FAM163A: variants seen among roughly 807,000 people sequenced by gnomAD.
The protein encoded by FAM163A is family with sequence similarity 163 member A.
In FAM163A, 7 loss-of-function variants were observed where a neutral mutation model predicts 12.0. The observed-to-expected ratio is 0.58, with a 90% confidence interval of 0.33 to 1.10. The LOEUF is 1.10. FAM163A is among the 50% of genes least tolerant of loss of function. The probability of loss-of-function intolerance (pLI) is 0.03; values close to 1 mark genes in which losing one functional copy is unlikely to be tolerated. For missense variants in FAM163A, 202 were observed against 218.6 expected (o/e 0.92, Z 0.48); for synonymous variants, 101 against 91.0 (o/e 1.11, Z -0.62).
intron 1 of FAM163A, among the ~76,000 whole-genome samples, chr1:179,760,059 A>T (rs1359345913): frequency 6.6e-6 from 1 of 152,172 alleles, no homozygotes; most frequent in Non-Finnish European, 1.5e-5. Flanking sequence ...GTGCAGATTC[A>T]TGTTTTATAA....
At chr1:179,774,850 A>C (rs1276828974) in intron 1 of FAM163A, among the ~76,000 whole-genome samples, 1 of 152,134 alleles carries the variant, frequency 6.6e-6, no homozygotes, top group Admixed American at 6.5e-5. Flanking sequence ...AAGGCTAGGG[A>C]GAGTTTCCCT....
At chr1:179,772,774 G>C (rs945426241) in intron 1 of FAM163A, among the ~76,000 whole-genome samples, 2 of 151,866 alleles carry the variant, frequency 1.3e-5, no homozygotes, top group South Asian at 4.2e-4. Flanking sequence ...GTGTCATTAG[G>C]AACCCAGGGC....
the FAM163A span, among the ~76,000 whole-genome samples, chr1:179,732,820 G>A: frequency 4.3e-5 from 6 of 138,774 alleles, no homozygotes; most frequent in African/African-American, 8.1e-5. Flanking sequence ...GGTGGAGGTT[G>A]CAGTGAGCTG....
chr1:179,773,564 C>G (rs1360069768), intron 1 of FAM163A, among the ~76,000 whole-genome samples: 1 of 152,096 alleles, frequency 6.6e-6, no homozygotes, highest in Non-Finnish European at 1.5e-5. Context: ...ATTGAAGAAG[C>G]AAAAATAATG....
intron 1 of FAM163A, among the ~76,000 whole-genome samples, chr1:179,764,718 A>G (rs980506414): frequency 1.3e-5 from 2 of 152,108 alleles, no homozygotes; most frequent in African/African-American, 4.8e-5. Context: ...GTGGTCTCAC[A>G]TGTTCGTTAA....
At chr1:179,768,825 C>T (rs1365801132) in intron 1 of FAM163A, among the ~76,000 whole-genome samples, 1 of 152,022 alleles carries the variant, frequency 6.6e-6, no homozygotes, top group Non-Finnish European at 1.5e-5. Context: ...AGGATGGTCT[C>T]GATCTCCTGA....
chr1:179,731,538 A>G, the FAM163A span, among the ~76,000 whole-genome samples: 1 of 152,232 alleles, frequency 6.6e-6, no homozygotes, highest in Non-Finnish European at 1.5e-5. Flanking sequence ...ATGAATCAAC[A>G]AGTAAATTTA....
chr1:179,806,463 T>C (rs1384721784), intron 1 of FAM163A, among the ~76,000 whole-genome samples: 1 of 152,094 alleles, frequency 6.6e-6, no homozygotes, highest in East Asian at 1.9e-4. Context: ...TGTCACGCAG[T>C]CACTCTGCCT....
chr1:179,788,019 A>G (rs1476151864), intron 1 of FAM163A, among the ~76,000 whole-genome samples: 1 of 152,216 alleles, frequency 6.6e-6, no homozygotes, highest in Non-Finnish European at 1.5e-5. Flanking sequence ...CAACAAGTTA[A>G]TATATGGGCT....
At chr1:179,808,531 A>T (rs1694267387) in intron 2 of FAM163A, among the ~76,000 whole-genome samples, 1 of 152,246 alleles carries the variant, frequency 6.6e-6, no homozygotes, top group Admixed American at 6.5e-5. Flanking sequence ...CCCAGCCAGG[A>T]ATTGGCCAGA....
chr1:179,761,728 A>T (rs1686838572), intron 1 of FAM163A, among the ~76,000 whole-genome samples: 1 of 152,172 alleles, frequency 6.6e-6, no homozygotes, highest in Admixed American at 6.5e-5. Context: ...TGTGGGAGAG[A>T]ATGTTGACTG....
At chr1:179,751,201 T>A (rs1165837714) in intron 1 of FAM163A, among the ~76,000 whole-genome samples, 1 of 151,824 alleles carries the variant, frequency 6.6e-6, no homozygotes, top group South Asian at 2.1e-4. Flanking sequence ...CTAGGGGTAA[T>A]TGAAACCATG....
chr1:179,808,178 G>A (rs1010825258), intron 2 of FAM163A, among the ~76,000 whole-genome samples: 4 of 151,918 alleles, frequency 2.6e-5, no homozygotes, highest in Non-Finnish European at 4.4e-5. Flanking sequence ...GCACTGGCCC[G>A]TGGGCCCTGA....
At chr1:179,766,897 A>T (rs1235776048) in intron 1 of FAM163A, among the ~76,000 whole-genome samples, 1 of 152,124 alleles carries the variant, frequency 6.6e-6, no homozygotes. Flanking sequence ...CTGGGATTAC[A>T]GGCACATGCC....
At chr1:179,805,936 C>G (rs772283638) in intron 1 of FAM163A, among the ~76,000 whole-genome samples, 6 of 152,226 alleles carry the variant, frequency 3.9e-5, no homozygotes, top group Non-Finnish European at 8.8e-5. Flanking sequence ...ACCCCTTGCT[C>G]AGCCTCTGGG....
intron 1 of FAM163A, among the ~76,000 whole-genome samples, chr1:179,770,781 TTCCTTC>T (rs1455945855): frequency 6.7e-6 from 1 of 149,316 alleles, no homozygotes; most frequent in Non-Finnish European, 1.5e-5. Context: ...CAGGTTGGTG[TTCCTTC>T]TCTGTGCTCA....
the FAM163A span, among the ~76,000 whole-genome samples, chr1:179,728,844 G>A: frequency 6.6e-6 from 1 of 152,192 alleles, no homozygotes; most frequent in Non-Finnish European, 1.5e-5. Flanking sequence ...AGTCACTGTA[G>A]TGCCTTTCCT....
chr1:179,768,713 C>T (rs1347920260), intron 1 of FAM163A, among the ~76,000 whole-genome samples: 1 of 151,876 alleles, frequency 6.6e-6, no homozygotes, highest in African/African-American at 2.4e-5. Flanking sequence ...TCAAGTGATT[C>T]TCCTGCCTCA....
chr1:179,756,542 A>G (rs1686051447), intron 1 of FAM163A, among the ~76,000 whole-genome samples: 1 of 152,194 alleles, frequency 6.6e-6, no homozygotes, highest in African/African-American at 2.4e-5. Flanking sequence ...AAATGCAAAG[A>G]TCTGTTTTAG....
Sources: gnomAD v4.1 joint callset for allele counts (sites outside exome capture counted in the v4.1 genomes callset) on GRCh38, gnomAD v4.1.1 for gene constraint, MANE v1.5 for transcripts, NCBI Gene and HGNC (gene_info 2026-07-23, HGNC 2026-07-21) for gene names.